The following SEM1 variants were observed in gnomAD, a reference collection of about 807,000 sequenced individuals.
SEM1 encodes SEM1 26S proteasome subunit.
In SEM1, 3 loss-of-function variants were observed where a neutral mutation model predicts 12.7. That is an observed-to-expected ratio of 0.24 (90% CI 0.11 to 0.61). SEM1 has a LOEUF of 0.61. SEM1 is among the 20% of genes least tolerant of loss of function. The pLI is 0.88. For missense variants in SEM1, 59 were observed against 81.3 expected (o/e 0.73, Z 1.06); for synonymous variants, 30 against 27.8 (o/e 1.08, Z -0.25).
chr7:96,576,097 G>T (rs530937139), intron 2 of SEM1, among the ~76,000 whole-genome samples: 1 of 152,216 alleles, frequency 6.6e-6, no homozygotes, highest in African/African-American at 2.4e-5. Context: ...TTAGTTTTAT[G>T]TAATATTTCT....
chr7:96,587,136 A>G (rs1212406902), intron 2 of SEM1, among the ~76,000 whole-genome samples: 1 of 152,204 alleles, frequency 6.6e-6, no homozygotes, highest in Non-Finnish European at 1.5e-5. Context: ...ATTAAACATG[A>G]ATACATTTAT....
chr7:96,653,049 T>C (rs190181510), intron 2 of SEM1, among the ~76,000 whole-genome samples: 35 of 152,306 alleles, frequency 2.3e-4, no homozygotes, highest in Admixed American at 7.2e-4. Flanking sequence ...AACAATTCTA[T>C]GGTGGCAGGT....
At chr7:96,687,742 C>A (rs1207056195), downstream of SEM1, among the ~76,000 whole-genome samples, 1 of 151,416 alleles carries the variant, frequency 6.6e-6, no homozygotes, top group African/African-American at 2.4e-5. Context: ...ATGTAACTAA[C>A]CTGCACATTG....
intron 2 of SEM1, among the ~76,000 whole-genome samples, chr7:96,601,338 A>T (rs1387442575): frequency 1.3e-5 from 2 of 152,196 alleles, no homozygotes; most frequent in Non-Finnish European, 2.9e-5. Flanking sequence ...GTGCTAAGAA[A>T]AAAAGTCAAT....
At chr7:96,617,004 G>A (rs1807742001) in intron 2 of SEM1, among the ~76,000 whole-genome samples, 1 of 152,032 alleles carries the variant, frequency 6.6e-6, no homozygotes, top group Admixed American at 6.6e-5. Context: ...AGTTCTTTTT[G>A]TTCAGGATTG....
At chr7:96,651,166 C>T (rs1808969239) in intron 2 of SEM1, among the ~76,000 whole-genome samples, 2 of 152,148 alleles carry the variant, frequency 1.3e-5, no homozygotes, top group South Asian at 4.1e-4. Flanking sequence ...GAAATGTCAC[C>T]TCTTGTGGCC....
chr7:96,649,189 A>G (rs142879222), intron 2 of SEM1: 9 of 152,374 alleles, frequency 5.9e-5, no homozygotes, highest in African/African-American at 2.2e-4. Flanking sequence ...ATGGAAATTC[A>G]GCAGATAGAT....
chr7:96,673,895 T>G (rs183121651), intron 2 of SEM1: 31 of 760,648 alleles, frequency 4.1e-5, no homozygotes, highest in Admixed American at 6.9e-5. Context: ...AACTTTTAAG[T>G]ATCAAGCCAC....
intron 2 of SEM1, among the ~76,000 whole-genome samples, chr7:96,603,023 C>G (rs1807239160): frequency 6.6e-6 from 1 of 152,128 alleles, no homozygotes; most frequent in African/African-American, 2.4e-5. Context: ...TTCATAGCAG[C>G]ATAAAAATGT....
At chr7:96,526,308 A>T (rs1332323160) in intron 2 of SEM1, among the ~76,000 whole-genome samples, 1 of 151,980 alleles carries the variant, frequency 6.6e-6, no homozygotes, top group African/African-American at 2.4e-5. Flanking sequence ...TCAAAACCAT[A>T]GAGTATGCAA....
intron 2 of SEM1, among the ~76,000 whole-genome samples, chr7:96,630,755 C>A (rs920275065): frequency 6.6e-6 from 1 of 152,212 alleles, no homozygotes; most frequent in African/African-American, 2.4e-5. Flanking sequence ...CACCTGAAGG[C>A]AGCAAGTCTC....
intron 2 of SEM1, among the ~76,000 whole-genome samples, chr7:96,597,795 T>A (rs1807051322): frequency 3.9e-5 from 6 of 151,978 alleles, no homozygotes; most frequent in Admixed American, 3.9e-4. Context: ...TTGTACCCAA[T>A]CCACCTAGTT....
intron 2 of SEM1, among the ~76,000 whole-genome samples, chr7:96,693,154 T>C (rs1789978454): frequency 6.6e-6 from 1 of 151,686 alleles, no homozygotes; most frequent in Non-Finnish European, 1.5e-5. Flanking sequence ...AATCAAAGTT[T>C]AAAAATTTAT....
chr7:96,602,342 AATATGACCCCAC>A (rs1807220601), intron 2 of SEM1, among the ~76,000 whole-genome samples: 2 of 152,292 alleles, frequency 1.3e-5, no homozygotes, highest in African/African-American at 4.8e-5. Flanking sequence ...TGATGTGGAA[AATATGACCCCAC>A]ATTTCTGCAT....
intron 2 of SEM1, among the ~76,000 whole-genome samples, chr7:96,485,828 C>T (rs1196911371): frequency 1.3e-5 from 2 of 152,128 alleles, no homozygotes; most frequent in African/African-American, 2.4e-5. Flanking sequence ...GCATGAGCCA[C>T]TACGCCTGGC....
At chr7:96,490,670 G>T (rs898704749) in intron 1 of SEM1, among the ~76,000 whole-genome samples, 7 of 152,118 alleles carry the variant, frequency 4.6e-5, no homozygotes, top group Non-Finnish European at 1.0e-4. Context: ...GTCAGGGTGG[G>T]GGTGGACTAA....
chr7:96,580,145 G>C (rs1338607771), intron 2 of SEM1, among the ~76,000 whole-genome samples: 1 of 124,984 alleles, frequency 8.0e-6, no homozygotes, highest in Non-Finnish European at 1.6e-5. Flanking sequence ...ACAGTCCCCA[G>C]AGTGTGATGT....
chr7:96,641,739 G>A (rs1349219373), intron 2 of SEM1, among the ~76,000 whole-genome samples: 4 of 151,850 alleles, frequency 2.6e-5, no homozygotes, highest in Admixed American at 2.0e-4. Context: ...TGTCTTTAAC[G>A]TTTAAGTTTT....
At chr7:96,605,940 A>G (rs1192248810) in intron 2 of SEM1, among the ~76,000 whole-genome samples, 1 of 152,150 alleles carries the variant, frequency 6.6e-6, no homozygotes, top group Non-Finnish European at 1.5e-5. Flanking sequence ...GGGTACCCAC[A>G]TTGTACATGC....
Sources: allele counts gnomAD v4.1 joint callset (sites outside exome capture counted in the v4.1 genomes callset), GRCh38; gene constraint gnomAD v4.1.1; transcripts MANE v1.5; gene names NCBI Gene and HGNC (gene_info 2026-07-23, HGNC 2026-07-21).